Variants in SLC39A12 observed in about 807,000 individuals in gnomAD.
SLC39A12 encodes solute carrier family 39 member 12.
Under a neutral mutation model 71.1 loss-of-function variants are expected in SLC39A12, and 63 were observed. The ratio of observed to expected loss-of-function variants is 0.89; its 90% CI spans 0.72 to 1.09. The LOEUF (loss-of-function observed/expected upper bound fraction) is 1.09. Ranked by LOEUF, SLC39A12 falls within the 50% of genes least tolerant of loss-of-function variation. The pLI is 0.00. For synonymous variants in SLC39A12, 351 were observed against 301.3 expected (o/e 1.16, Z -1.71); for missense variants, 892 against 812.6 (o/e 1.10, Z -1.19).
chr10:17,976,093 A>C (rs114783045), intron 4 of SLC39A12, among the ~76,000 whole-genome samples: 2 of 152,186 alleles, frequency 1.3e-5, no homozygotes, highest in African/African-American at 4.8e-5. Flanking sequence ...CTGCCTCTTC[A>C]GTGCCTATTT....
chr10:17,982,136 C>G (rs1240325752), intron 6 of SLC39A12, among the ~76,000 whole-genome samples: 1 of 152,174 alleles, frequency 6.6e-6, no homozygotes, highest in Non-Finnish European at 1.5e-5. Flanking sequence ...GTGACCCATG[C>G]TGGGAGCTAC....
chr10:18,011,742 A>T (rs1192745411), intron 12 of SLC39A12, among the ~76,000 whole-genome samples: 1 of 152,230 alleles, frequency 6.6e-6, no homozygotes, highest in Non-Finnish European at 1.5e-5. Flanking sequence ...GTAACATCTT[A>T]GTCTCTCCTA....
At chr10:18,006,670 G>A (rs971469789) in intron 12 of SLC39A12, among the ~76,000 whole-genome samples, 6 of 152,210 alleles carry the variant, frequency 3.9e-5, no homozygotes, top group Admixed American at 6.5e-5. Flanking sequence ...CAAGAAATAT[G>A]CCTCAGAATA....
intron 4 of SLC39A12, among the ~76,000 whole-genome samples, chr10:17,973,659 C>A (rs1835032301): frequency 6.6e-6 from 1 of 152,076 alleles, no homozygotes; most frequent in South Asian, 2.1e-4. Context: ...CTTTTAGGAT[C>A]CTTTCTTTAT....
chr10:17,977,640 A>G (rs779770034), intron 4 of SLC39A12, among the ~76,000 whole-genome samples: 1 of 152,190 alleles, frequency 6.6e-6, no homozygotes, highest in Non-Finnish European at 1.5e-5. Context: ...TTAATCTATG[A>G]TGGATGTATA....
chr10:18,033,046 G>A (rs1180967602), intron 12 of SLC39A12, among the ~76,000 whole-genome samples: 2 of 151,534 alleles, frequency 1.3e-5, no homozygotes, highest in Non-Finnish European at 1.5e-5. Flanking sequence ...GCCGGATTCG[G>A]TTTGCCAGTA....
At position 17,994,962 on chromosome 10, in the gene SLC39A12, C is replaced by T. The variant is rs185875960; in HGVS notation, c.1534-694C>T. On this transcript the variant is annotated intron_variant, in intron 9 of 12. Transcript: ENST00000377369. ...AGAATTGAAATCAGAGGCGCCAAGA[C>T]GGAAAATATATTTTCAGAAATTGGT... is the stretch of plus-strand genomic sequence containing the variant. 1.4e-3 allele frequency among the ~76,000 whole-genome samples: 183 copies of T among 133,072 alleles called. 1 individual carries two copies. Among genetic ancestry groups the T allele is most frequent in the Non-Finnish European group, 2.1e-3 (120 of 56,226 alleles). 87.3% of individuals were successfully genotyped at this position (133,072 alleles called of 152,430 possible).
chr10:18,013,652 T>A (rs1380345572), intron 12 of SLC39A12, among the ~76,000 whole-genome samples: 1 of 152,210 alleles, frequency 6.6e-6, no homozygotes, highest in East Asian at 1.9e-4. Flanking sequence ...GATTACAGTA[T>A]GAGCCACCAT....
At chr10:17,992,427 TGG>T in intron 8 of SLC39A12, among the ~76,000 whole-genome samples, 1 of 152,354 alleles carries the variant, frequency 6.6e-6, no homozygotes, top group Non-Finnish European at 1.5e-5. Flanking sequence ...GACTTTTCTT[TGG>T]CCTGGGGCCC....
intron 3 of SLC39A12, among the ~76,000 whole-genome samples, chr10:17,963,511 G>A (rs1302699531): frequency 2.0e-5 from 3 of 152,094 alleles, no homozygotes; most frequent in Non-Finnish European, 2.9e-5. Flanking sequence ...AGCTAGTTTC[G>A]GTCATTAAGA....
intron 12 of SLC39A12, among the ~76,000 whole-genome samples, chr10:18,027,957 G>A (rs760470643): frequency 6.6e-6 from 1 of 152,178 alleles, no homozygotes; most frequent in Admixed American, 6.5e-5. Flanking sequence ...AACATAATTA[G>A]GATGCCCCCC....
intron 12 of SLC39A12, chr10:18,008,555 A>G (rs145865130): frequency 1.3e-5 from 2 of 152,234 alleles, no homozygotes; most frequent in African/African-American, 4.8e-5. Context: ...CTCACCTCCA[A>G]CCGTCGGTCC....
intron 12 of SLC39A12, among the ~76,000 whole-genome samples, chr10:18,023,511 C>G (rs1186123075): frequency 6.6e-6 from 1 of 152,074 alleles, no homozygotes; most frequent in Non-Finnish European, 1.5e-5. Context: ...CCTCTGGGAA[C>G]TTCATGATGG....
intron 3 of SLC39A12, among the ~76,000 whole-genome samples, chr10:17,963,090 G>T (rs1834732582): frequency 6.6e-6 from 1 of 152,020 alleles, no homozygotes; most frequent in East Asian, 1.9e-4. Context: ...GTGCCCAGGA[G>T]TTTGAGGTTA....
intron 12 of SLC39A12, among the ~76,000 whole-genome samples, chr10:18,035,848 T>G (rs1340515453): frequency 7.9e-5 from 12 of 152,316 alleles, no homozygotes; most frequent in East Asian, 1.9e-4. Flanking sequence ...CTTTCTGTTT[T>G]TTAGTTTTCC....
intron 12 of SLC39A12, among the ~76,000 whole-genome samples, chr10:18,029,441 A>C (rs1836775249): frequency 6.6e-6 from 1 of 152,050 alleles, no homozygotes; most frequent in Admixed American, 6.5e-5. Context: ...TTGACTAACA[A>C]CTCTTTGCAC....
chr10:18,042,061 T>C, intron 12 of SLC39A12, among the ~76,000 whole-genome samples: 1 of 151,982 alleles, frequency 6.6e-6, no homozygotes, highest in East Asian at 1.9e-4. Context: ...ATATAGTAGT[T>C]CTATAAGCCT....
At chr10:18,041,461 A>T (rs1837221860) in intron 12 of SLC39A12, among the ~76,000 whole-genome samples, 1 of 149,622 alleles carries the variant, frequency 6.7e-6, no homozygotes, top group Non-Finnish European at 1.5e-5. Flanking sequence ...CCACCACTGC[A>T]CTCCAGCCTG....
At chr10:18,012,328 T>C (rs369802826) in intron 12 of SLC39A12, among the ~76,000 whole-genome samples, 89 of 152,332 alleles carry the variant, frequency 5.8e-4, no homozygotes, top group African/African-American at 2.1e-3. Flanking sequence ...AGAATTGATA[T>C]ATTTGTAAGC....
Sources: allele counts gnomAD v4.1 joint callset (sites outside exome capture counted in the v4.1 genomes callset), GRCh38; gene constraint gnomAD v4.1.1; transcripts MANE v1.5; gene names NCBI Gene and HGNC (gene_info 2026-07-23, HGNC 2026-07-21).